The following RASA1 variants were observed in gnomAD, a reference collection of about 807,000 sequenced individuals.
RASA1 encodes the protein ras GTPase-activating protein 1.
A neutral mutation model predicts 132.2 loss-of-function variants in RASA1; 25 were observed. That is an observed-to-expected ratio of 0.19 (90% CI 0.14 to 0.26). RASA1 has a LOEUF of 0.26. Among genes scored for constraint, RASA1 ranks in the 10% least tolerant of loss-of-function variants. The pLI is 1.00. For synonymous variants in RASA1, 477 were observed against 449.9 expected (o/e 1.06, Z -0.76); for missense variants, 964 against 1,299.2 (o/e 0.74, Z 3.97).
rs750118245 is a variant in RASA1 at position 87,268,622 on chromosome 5, G to A, written c.171G>A (p.Val57=). 2 of 1,611,950 alleles carry A rather than the reference G, an allele frequency of 1.2e-6. No homozygotes were observed. Among genetic ancestry groups the A allele is most frequent in the African/African-American group, 2.7e-5 (2 of 74,920 alleles). The change falls in exon 1 of 25, where the codon GTG becomes GTA. Residue 57 remains valine, a synonymous_variant. Transcript: ENST00000274376. The stretch of plus-strand genomic sequence containing the variant: ...ATCCTGGGCTGGTGGAGACCGGAGT[G>A]GCTGGAACTCTGGGTGGCGGAGCCG... ...APYPGLVETG[V]AGTLGGGAAL...
rs1442769112 is a variant in RASA1 at position 87,268,046 on chromosome 5, G to C, written c.-406G>C. ...ACCGGCGGTGGCTGCGGTGTGGGTG[G>C]CCGGAACTGGGGTGGTGAAGAAGCG... On this transcript the variant is annotated 5_prime_UTR_variant, in exon 1 of 25. Coordinates refer to ENST00000274376, the MANE Select transcript of RASA1 (RefSeq NM_002890.3). The C allele has an allele frequency of 2.5e-6, 1 of 407,448 alleles. No homozygotes were observed. The highest frequency in any genetic ancestry group is 4.3e-6 in the Non-Finnish European group (1 of 231,844). 25.2% of individuals were successfully genotyped at this position (407,448 alleles called of 1,614,324 possible).
At chr5:87,331,636 T>G in intron 2 of RASA1, 136 bp downstream of exon 2, 1 of 1,013,802 alleles carries the variant, frequency 9.9e-7, no homozygotes, top group Non-Finnish European at 1.5e-6. Context: ...GTCAAATGAT[T>G]TAATCAGTGA....
intron 17 of RASA1, among the ~76,000 whole-genome samples, chr5:87,377,493 G>A (rs1178801797): frequency 6.6e-6 from 1 of 152,026 alleles, no homozygotes; most frequent in Admixed American, 6.6e-5. Flanking sequence ...ACCACACCCA[G>A]CTAATTTTTT....
chr5:87,326,206 C>T (rs1452293822), intron 1 of RASA1, among the ~76,000 whole-genome samples: 2 of 152,084 alleles, frequency 1.3e-5, no homozygotes, highest in African/African-American at 4.8e-5. Flanking sequence ...TCCTGGGTTC[C>T]AGCAGTCCCC....
At position 87,303,839 on chromosome 5, in the gene RASA1, C is replaced by CT. The variant is rs755878903; in HGVS notation, c.540-27491dup. Among the ~76,000 whole-genome samples, 1,172 of 130,304 alleles carry CT rather than the reference C, an allele frequency of 9.0e-3. 11 individuals carry two copies. Among genetic ancestry groups the CT allele is most frequent in the South Asian group, 0.025 (102 of 4,070 alleles). 85.5% of individuals were successfully genotyped at this position (130,304 alleles called of 152,430 possible). On this transcript the variant is annotated intron_variant, in intron 1 of 24. Coordinates refer to ENST00000274376, the MANE Select transcript of RASA1 (RefSeq NM_002890.3). ...GTCTGTTATCTTTGATACTTCTTGTCTTTTTTTTTTTTTTTTTTGAGGCAG... is the reference window on the plus strand; with the variant it reads ...GTCTGTTATCTTTGATACTTCTTGTCTTTTTTTTTTTTTTTTTTTGAGGCAG...
chr5:87,342,398 A>G (rs1055757619), intron 6 of RASA1, among the ~76,000 whole-genome samples: 1 of 152,164 alleles, frequency 6.6e-6, no homozygotes, highest in Admixed American at 6.6e-5. Flanking sequence ...ACCTCAAGTA[A>G]TCTACCAGCC....
intron 16 of RASA1, 84 bp downstream of exon 16, chr5:87,376,649 T>C (rs939833228): frequency 2.2e-5 from 33 of 1,469,582 alleles, no homozygotes; most frequent in Middle Eastern, 4.2e-4. Flanking sequence ...AAGGTAAACA[T>C]AGTAATTCAT....
At position 87,387,229 on chromosome 5, in the gene RASA1, C is replaced by CT. The variant is rs571615690; in HGVS notation, c.2925+332dup. On this transcript the variant is annotated intron_variant, in intron 23 of 24. Transcript: ENST00000274376. ...CCATGACATTCTGTTGCCTCCTTAG[C>CT]TTTTTTACTTTGCTGCTACTATGTG... Among the ~76,000 whole-genome samples the CT allele has an allele frequency of 4.0e-3, 615 of 152,084 alleles. 2 individuals carry two copies. Among genetic ancestry groups the CT allele is most frequent in the Non-Finnish European group, 6.6e-3 (447 of 67,958 alleles).
chr5:87,270,470 C>T (rs911248983), intron 1 of RASA1, among the ~76,000 whole-genome samples: 8 of 150,242 alleles, frequency 5.3e-5, no homozygotes, highest in African/African-American at 2.0e-4. Context: ...GCTTCAGCCT[C>T]TCTAGTAGCT....
chr5:87,353,279 A>T (rs984934393), intron 9 of RASA1, 44 bp downstream of exon 9: 1 of 1,467,182 alleles, frequency 6.8e-7, no homozygotes, highest in Middle Eastern at 1.7e-4. Context: ...ATTTTATTTT[A>T]AAATGCATTT....
intron 9 of RASA1, among the ~76,000 whole-genome samples, chr5:87,357,193 G>C (rs960403043): frequency 1.3e-5 from 2 of 151,776 alleles, no homozygotes; most frequent in Non-Finnish European, 2.9e-5. Flanking sequence ...AGAGTAATTG[G>C]AAGAGAAGTT....
At chr5:87,326,869 G>GA (rs1213490221) in intron 1 of RASA1, among the ~76,000 whole-genome samples, 1 of 151,948 alleles carries the variant, frequency 6.6e-6, no homozygotes, top group South Asian at 2.1e-4. Context: ...TGCCTTAGTA[G>GA]AAAAAAAGAT....
chr5:87,273,434 A>G (rs1753934085), intron 1 of RASA1, among the ~76,000 whole-genome samples: 1 of 152,154 alleles, frequency 6.6e-6, no homozygotes, highest in Non-Finnish European at 1.5e-5. Context: ...GAAGTTTGTC[A>G]CTAGTACTCC....
rs759351327 is a variant in RASA1 at position 87,372,177 on chromosome 5, C to G, written c.1758C>G (p.Ser586=). 4 of 1,613,552 alleles carry G rather than the reference C, an allele frequency of 2.5e-6. No individual in the cohort carries two copies. In the South Asian group the frequency reaches 4.4e-5, roughly 18 times the overall value. The change falls in exon 13 of 25, where the codon TCC becomes TCG. Residue 586 remains serine (S), a synonymous_variant. Coordinates refer to ENST00000274376, the MANE Select transcript of RASA1 (RefSeq NM_002890.3). ...CNLRKSSPGT[S]NKRLRQVSSL... ...TACGGAAAAGTAGTCCAGGGACATCCAATAAACGCCTTCGTCAGGTGAAGC... is the reference window on the plus strand; with the variant it reads ...TACGGAAAAGTAGTCCAGGGACATCGAATAAACGCCTTCGTCAGGTGAAGC...
At chr5:87,271,452 CTTTTTTTTTTTTTTTTTTTT>C (rs201918763) in intron 1 of RASA1, among the ~76,000 whole-genome samples, 7 of 38,220 alleles carry the variant, frequency 1.8e-4, no homozygotes, top group Middle Eastern at 0.05. Context: ...TAGTAGACTT[CTTTTTTTTTTTTTTTTTTTT>C]TTTTTTTTTT....
At chr5:87,303,805 T>A (rs1270214498) in intron 1 of RASA1, among the ~76,000 whole-genome samples, 1 of 151,740 alleles carries the variant, frequency 6.6e-6, no homozygotes, top group East Asian at 1.9e-4. Flanking sequence ...TACTGTATTA[T>A]TACGAAATGT....
At chr5:87,359,554 C>A (rs536305804) in intron 9 of RASA1, among the ~76,000 whole-genome samples, 18 of 151,888 alleles carry the variant, frequency 1.2e-4, no homozygotes, top group African/African-American at 3.9e-4. Context: ...TATTTAAATC[C>A]AAATATTAGT....
intron 1 of RASA1, among the ~76,000 whole-genome samples, chr5:87,296,453 C>T (rs963047388): frequency 1.3e-5 from 2 of 152,144 alleles, no homozygotes; most frequent in Non-Finnish European, 2.9e-5. Context: ...ATATCATTAT[C>T]CTCTTTCATG....
At chr5:87,379,190 T>C (rs1761534499) in intron 18 of RASA1, among the ~76,000 whole-genome samples, 1 of 152,168 alleles carries the variant, frequency 6.6e-6, no homozygotes, top group African/African-American at 2.4e-5. Context: ...TACTAATAAC[T>C]TGAAGGGAAG....
Sources: gnomAD v4.1 joint callset for allele counts (sites outside exome capture counted in the v4.1 genomes callset) on GRCh38, gnomAD v4.1.1 for gene constraint, MANE v1.5 for transcripts, NCBI Gene and HGNC (gene_info 2026-07-23, HGNC 2026-07-21) for gene names.